Variants in GNL2 observed in about 807,000 individuals in gnomAD.
GNL2 encodes nucleolar GTP-binding protein 2.
GNL2 carries 51 observed loss-of-function variants against 92.3 expected under a neutral mutation model. The ratio of observed to expected loss-of-function variants is 0.55; its 90% CI spans 0.44 to 0.70. The LOEUF is 0.70. GNL2 is among the 30% of genes least tolerant of loss of function. The probability of loss-of-function intolerance (pLI) is 0.00; values close to 1 mark genes in which losing one functional copy is unlikely to be tolerated. For synonymous variants in GNL2, 283 were observed against 300.6 expected, an observed-to-expected ratio of 0.94 and a Z score of 0.61; for missense variants, 844 against 895.6, an observed-to-expected ratio of 0.94 and a Z score of 0.74.
intron 15 of GNL2, among the ~76,000 whole-genome samples, chr1:37,567,429 C>G (rs1310259450): frequency 6.6e-6 from 1 of 152,146 alleles, no homozygotes; most frequent in Non-Finnish European, 1.5e-5. Flanking sequence ...GGACTAGAAA[C>G]TGACTCCTCT....
intron 2 of GNL2, 192 bp downstream of exon 2, chr1:37,593,570 A>G (rs944066121): frequency 1.7e-5 from 9 of 519,702 alleles, no homozygotes; most frequent in Admixed American, 3.6e-5. Context: ...TCACTATTTC[A>G]CCGCCAGCTA....
In GNL2 at chr1:37,576,495, C is replaced by T; in HGVS notation, c.971G>A (p.Ser324Asn). 1 of 1,614,054 alleles carries T rather than the reference C, an allele frequency of 6.2e-7. No homozygotes were observed. The highest frequency in any genetic ancestry group is 8.5e-7 in the Non-Finnish European group (1 of 1,179,888). Reference protein sequence around the residue: ...GFIGYPNVGKSSVINTLRSKK... With the variant: ...GFIGYPNVGKNSVINTLRSKK... ...AGAACGCAATGTATTTATCACAGAG[C>T]TCTTGCCAACATTTGGATAGCCAAT... Residue 324 changes from serine to asparagine, a missense_variant, in exon 9 of 16, where the codon AGC (serine) becomes AAC (asparagine). Transcript: ENST00000373062.
chr1:37,590,024 G>A (rs956316263), intron 4 of GNL2, among the ~76,000 whole-genome samples: 3 of 152,200 alleles, frequency 2.0e-5, no homozygotes, highest in African/African-American at 7.2e-5. Flanking sequence ...CTCTTATTAG[G>A]TGGTGTGCTA....
intron 4 of GNL2, among the ~76,000 whole-genome samples, chr1:37,590,028 T>C (rs1643878816): frequency 6.6e-6 from 1 of 152,240 alleles, no homozygotes; most frequent in Non-Finnish European, 1.5e-5. Flanking sequence ...TATTAGGTGG[T>C]GTGCTATGTG....
intron 5 of GNL2, among the ~76,000 whole-genome samples, chr1:37,584,874 G>A (rs1276621435): frequency 6.6e-6 from 1 of 151,878 alleles, no homozygotes; most frequent in East Asian, 2.0e-4. Context: ...AAGGCCAGGA[G>A]TTCGAGACCA....
intron 2 of GNL2, among the ~76,000 whole-genome samples, chr1:37,593,196 A>G (rs1248959884): frequency 1.3e-5 from 2 of 152,232 alleles, no homozygotes; most frequent in Non-Finnish European, 1.5e-5. Flanking sequence ...ACAAACTGCA[A>G]AGTAGATGAC....
chr1:37,590,823 CT>C lies in GNL2; in HGVS notation c.266del (p.Gln89ArgfsTer15). ...CCTCTTGAAATTTTTGTAATGATGA[CT>C]GCTTAATCACACGTGTGTTTCCTGT... ...KWFGNTRVIK[Q>X]SSLQKFQEEM... On this transcript the variant is annotated frameshift_variant, in exon 4 of 16. Coordinates refer to ENST00000373062, the MANE Select transcript of GNL2 (RefSeq NM_013285.3). LOFTEE classifies it high-confidence loss of function. 6.3e-7 allele frequency: 1 copy of C among 1,595,642 alleles called. No individual in the cohort carries two copies.
At chr1:37,584,027 T>A (rs1643813671) in intron 5 of GNL2, 94 bp from the exon 6 acceptor site, 2 of 773,802 alleles carry the variant, frequency 2.6e-6, no homozygotes, top group Admixed American at 3.9e-5. Context: ...AAAAACAGTA[T>A]CAAACCCAGT....
intron 1 of GNL2, chr1:37,594,175 A>C: frequency 1.1e-5 from 2 of 188,718 alleles, no homozygotes; most frequent in Non-Finnish European, 2.2e-5. Flanking sequence ...TATTATCCCC[A>C]TGCTGCGGAG....
intron 8 of GNL2, 106 bp downstream of exon 8, chr1:37,582,117 C>T (rs576642453): frequency 1.7e-4 from 112 of 678,556 alleles, no homozygotes; most frequent in East Asian, 1.1e-3. Context: ...TGCGCAACCA[C>T]GTCCGGCTAA....
chr1:37,574,178 AC>A, intron 12 of GNL2, among the ~76,000 whole-genome samples, 164 bp downstream of exon 12: 1 of 152,180 alleles, frequency 6.6e-6, no homozygotes. Context: ...GGCGTGAGCC[AC>A]CCATGCCCGG....
chr1:37,582,685 T>G, intron 7 of GNL2, 93 bp downstream of exon 7: 1 of 1,062,030 alleles, frequency 9.4e-7, no homozygotes, highest in South Asian at 1.5e-5. Flanking sequence ...ATTACTACAA[T>G]CTCAGCCGGA....
intron 8 of GNL2, chr1:37,581,219 G>A: frequency 5.2e-6 from 2 of 383,318 alleles, no homozygotes; most frequent in Non-Finnish European, 1.0e-5. Context: ...GAAAATAACA[G>A]AACTAATGGC....
intron 4 of GNL2, among the ~76,000 whole-genome samples, chr1:37,590,013 G>A (rs1643878692): frequency 6.6e-6 from 1 of 152,192 alleles, no homozygotes. Flanking sequence ...TATCAATTTA[G>A]CTCTTATTAG....
At position 37,575,593 on chromosome 1, in the gene GNL2, A is replaced by T; in HGVS notation, c.1143+2T>A. 1.3e-6 allele frequency: 2 copies of T among 1,562,486 alleles called. No individual in the cohort carries two copies. Among genetic ancestry groups the T allele is most frequent in the Non-Finnish European group, 1.7e-6 (2 of 1,153,338 alleles). On this transcript the variant is annotated splice_donor_variant, in intron 10 of 15. Coordinates refer to ENST00000373062, the MANE Select transcript of GNL2 (RefSeq NM_013285.3). LOFTEE classifies it high-confidence loss of function. The surrounding 1 kb of genome is among the most constrained non-coding windows in gnomAD (Gnocchi z 4.1). ...AACAGCCTATCAGGGCCAAATACTC[A>T]CAACTCCTTTTAGCACAATGTCTGT...
In GNL2 at chr1:37,592,824, CAG is replaced by C. The variant is rs1213829418; in HGVS notation, c.150-20_150-19del. On this transcript the variant is annotated intron_variant, in intron 2 of 15. Coordinates refer to ENST00000373062, the MANE Select transcript of GNL2 (RefSeq NM_013285.3). Reference sequence around the variant, plus strand: ...GACTGTTCCTAAATTGAGGAAAGAACAGATATTGGTTGACAACAGAAAAATGG... The same window carrying C: ...GACTGTTCCTAAATTGAGGAAAGAACATATTGGTTGACAACAGAAAAATGG... 7.2e-7 allele frequency: 1 copy of C among 1,390,106 alleles called. No homozygotes were observed. Among genetic ancestry groups the C allele is most frequent in the South Asian group, 1.2e-5 (1 of 85,720 alleles). 86.1% of individuals were successfully genotyped at this position (1,390,106 alleles called of 1,614,324 possible).
intron 15 of GNL2, 57 bp from the exon 16 acceptor site, chr1:37,567,064 T>A: frequency 6.4e-7 from 1 of 1,555,174 alleles, no homozygotes; most frequent in East Asian, 2.2e-5. Context: ...CTGAAAGTCA[T>A]TCACAAAACA....
intron 7 of GNL2, among the ~76,000 whole-genome samples, 156 bp downstream of exon 7, chr1:37,582,622 C>T (rs530540793): frequency 2.0e-4 from 30 of 152,334 alleles, no homozygotes; most frequent in African/African-American, 7.2e-4. Context: ...TCTCCTGGTG[C>T]CTCTGCCCAC....
intron 12 of GNL2, 122 bp downstream of exon 12, chr1:37,574,221 T>A: frequency 2.0e-6 from 1 of 488,104 alleles, no homozygotes; most frequent in Non-Finnish European, 3.6e-6. Context: ...TTTAAAAAAA[T>A]AATAAAATGA....
Sources: allele counts gnomAD v4.1 joint callset (sites outside exome capture counted in the v4.1 genomes callset), GRCh38; gene constraint gnomAD v4.1.1; non-coding constraint Gnocchi (gnomAD v3.1); transcripts MANE v1.5; gene names NCBI Gene and HGNC (gene_info 2026-07-23, HGNC 2026-07-21).